TMEM178A: variants seen among roughly 807,000 people sequenced by gnomAD.
The protein encoded by TMEM178A is transmembrane protein 178.
Under a neutral mutation model 29.1 loss-of-function variants are expected in TMEM178A, and 12 were observed. The ratio of observed to expected loss-of-function variants is 0.41; its 90% CI spans 0.26 to 0.67. TMEM178A has a LOEUF of 0.67. Ranked by LOEUF, TMEM178A falls within the 30% of genes least tolerant of loss-of-function variation. The probability of loss-of-function intolerance (pLI) is 0.29; values close to 1 mark genes in which losing one functional copy is unlikely to be tolerated. For synonymous variants in TMEM178A, 210 were observed against 187.2 expected (o/e 1.12, Z -0.99); for missense variants, 366 against 419.1 (o/e 0.87, Z 1.11).
chr2:39,726,007 A>G, the TMEM178A span, among the ~76,000 whole-genome samples: 1 of 152,212 alleles, frequency 6.6e-6, no homozygotes, highest in South Asian at 2.1e-4. Context: ...ATTTAAGTGC[A>G]GGGAATACAT....
the TMEM178A span, among the ~76,000 whole-genome samples, chr2:39,725,481 C>T: frequency 1.3e-5 from 2 of 152,084 alleles, no homozygotes; most frequent in South Asian, 4.2e-4. Flanking sequence ...CAGGGAAAGA[C>T]AATTTGTTCT....
intron 1 of TMEM178A, among the ~76,000 whole-genome samples, chr2:39,694,382 A>T (rs1264086134): frequency 6.6e-6 from 1 of 152,062 alleles, no homozygotes; most frequent in Non-Finnish European, 1.5e-5. Context: ...ACACAGATAA[A>T]ATTTCTTAGT....
At position 39,717,415 on chromosome 2, in the gene TMEM178A, G is replaced by A. The variant is rs760821170; in HGVS notation, c.*164G>A. On this transcript the variant is annotated 3_prime_UTR_variant, in exon 4 of 4. Coordinates refer to ENST00000281961, the MANE Select transcript of TMEM178A (RefSeq NM_152390.3). Reference sequence around the variant, plus strand: ...ATGCAAAACCTCCCAACCTTTCTAAGGACAAGACTACTGTGGATTCAAGTG... The same window carrying A: ...ATGCAAAACCTCCCAACCTTTCTAAAGACAAGACTACTGTGGATTCAAGTG... 4.1e-6 allele frequency: 4 copies of A among 985,486 alleles called. No individual in the cohort carries two copies. Among genetic ancestry groups the A allele is most frequent in the Non-Finnish European group, 5.7e-6 (4 of 695,812 alleles). 61.0% of individuals were successfully genotyped at this position (985,486 alleles called of 1,614,324 possible).
At chr2:39,698,293 C>G (rs1388092779) in intron 1 of TMEM178A, among the ~76,000 whole-genome samples, 1 of 152,196 alleles carries the variant, frequency 6.6e-6, no homozygotes, top group South Asian at 2.1e-4. Flanking sequence ...ACTTAACTCT[C>G]TGAGCTTCGG....
chr2:39,666,449 G>C, intron 1 of TMEM178A, 75 bp downstream of exon 1: 2 of 1,183,034 alleles, frequency 1.7e-6, no homozygotes, highest in Non-Finnish European at 2.1e-6. Context: ...GGGGCGCGCC[G>C]GTCCCCGCAG....
At chr2:39,712,041 T>TG (rs140373987) in intron 3 of TMEM178A, among the ~76,000 whole-genome samples, 1 of 139,252 alleles carries the variant, frequency 7.2e-6, no homozygotes, top group Non-Finnish European at 1.5e-5. Flanking sequence ...GAATTGCATT[T>TG]TGTGTGTGTG....
At chr2:39,728,535 C>T in the TMEM178A span, among the ~76,000 whole-genome samples, 1 of 152,126 alleles carries the variant, frequency 6.6e-6, no homozygotes, top group African/African-American at 2.4e-5. Context: ...AAATAGTACT[C>T]CATTTATTTG....
chr2:39,727,333 T>C, the TMEM178A span, among the ~76,000 whole-genome samples: 1 of 152,050 alleles, frequency 6.6e-6, no homozygotes, highest in Non-Finnish European at 1.5e-5. Context: ...AATGAACAAA[T>C]GAATAAATAA....
At chr2:39,689,442 A>T (rs933673723) in intron 1 of TMEM178A, among the ~76,000 whole-genome samples, 3 of 152,242 alleles carry the variant, frequency 2.0e-5, no homozygotes, top group African/African-American at 7.2e-5. Context: ...TCTGTCTAAA[A>T]GCCATGTGCT....
At chr2:39,732,379 T>C in the TMEM178A span, among the ~76,000 whole-genome samples, 1 of 152,288 alleles carries the variant, frequency 6.6e-6, no homozygotes, top group African/African-American at 2.4e-5. Flanking sequence ...GAAAAAGCAC[T>C]GACTGCCCCT....
At chr2:39,732,423 C>A in the TMEM178A span, among the ~76,000 whole-genome samples, 1 of 152,150 alleles carries the variant, frequency 6.6e-6, no homozygotes, top group South Asian at 2.1e-4. Context: ...ATGTGGAACT[C>A]AATGCTGATA....
At chr2:39,666,510 C>G in intron 1 of TMEM178A, 136 bp downstream of exon 1, 2 of 545,532 alleles carry the variant, frequency 3.7e-6, no homozygotes, top group Non-Finnish European at 5.1e-6. Flanking sequence ...TCCTTCCCGC[C>G]GCCTCCAGTC....
At chr2:39,694,389 T>A (rs1054808270) in intron 1 of TMEM178A, among the ~76,000 whole-genome samples, 2 of 152,096 alleles carry the variant, frequency 1.3e-5, no homozygotes, top group African/African-American at 4.8e-5. Context: ...TAAAATTTCT[T>A]AGTTACCAGG....
At chr2:39,724,302 C>T in the TMEM178A span, among the ~76,000 whole-genome samples, 59 of 152,040 alleles carry the variant, frequency 3.9e-4, 1 homozygote, top group East Asian at 1.4e-3. Context: ...AAGAGGCTAT[C>T]TAGCCTTACG....
intron 3 of TMEM178A, among the ~76,000 whole-genome samples, chr2:39,709,457 A>C (rs562086666): frequency 6.6e-6 from 1 of 152,330 alleles, no homozygotes; most frequent in South Asian, 2.1e-4. Context: ...AGGGAGGCTA[A>C]AATGTTAGTT....
the TMEM178A span, among the ~76,000 whole-genome samples, chr2:39,732,384 G>T: frequency 4.6e-5 from 7 of 152,256 alleles, no homozygotes; most frequent in South Asian, 1.4e-3. Context: ...AGCACTGACT[G>T]CCCCTGCAGC....
At position 39,707,145 on chromosome 2, in the gene TMEM178A, G is replaced by C. The variant is rs761681171; in HGVS notation, c.611G>C (p.Ser204Thr). ...VATVSFFWEE[S>T]LTQHVAGLLF... ...ACAGTCAGTTTCTTCTGGGAGGAGA[G>C]CTTGACCCAGCACGTGGCTGGACTC... The change falls in exon 3 of 4, where the codon AGC becomes ACC. Residue 204 changes from serine (S) to threonine (T), a missense_variant. By Grantham distance (58) the Ser-to-Thr change is moderately conservative (BLOSUM62 1). Coordinates refer to ENST00000281961, the MANE Select transcript of TMEM178A (RefSeq NM_152390.3). The C allele has an allele frequency of 6.2e-7, 1 of 1,614,156 alleles. No individual in the cohort carries two copies. The highest frequency in any genetic ancestry group is 2.2e-5 in the East Asian group (1 of 44,876).
In TMEM178A at chr2:39,666,010, C is replaced by T. The variant is rs748369732; in HGVS notation, c.36C>T (p.Leu12=). Residue 12 remains leucine (L), a synonymous_variant, in exon 1 of 4, where the codon CTC becomes CTT. Transcript: ENST00000281961. The stretch of plus-strand genomic sequence containing the variant: ...GGGCGCTCGTCACGGCGCTCAGCCT[C>T]GGCCTCAGCCTGTGCTCCCTGGGGC... ...EPRALVTALS[L]GLSLCSLGLL... 36 of 1,507,088 alleles carry T rather than the reference C, an allele frequency of 2.4e-5. No individual in the cohort carries two copies. Among genetic ancestry groups the T allele is most frequent in the Non-Finnish European group, 2.7e-5 (30 of 1,131,132 alleles). The allele number at this position is 1,507,088 out of a possible 1,614,324, so 93.4% of individuals were successfully genotyped here. A position where few individuals can be genotyped will look rare whatever the true frequency, so the allele number is the denominator to read the frequency against.
chr2:39,716,164 T>A (rs1217805328), intron 3 of TMEM178A, among the ~76,000 whole-genome samples: 1 of 152,362 alleles, frequency 6.6e-6, no homozygotes, highest in East Asian at 1.9e-4. Flanking sequence ...CTCACCACAC[T>A]CTGATCCTCT....
Sources: gnomAD v4.1 joint callset for allele counts (sites outside exome capture counted in the v4.1 genomes callset) on GRCh38, gnomAD v4.1.1 for gene constraint, MANE v1.5 for transcripts, NCBI Gene and HGNC (gene_info 2026-07-23, HGNC 2026-07-21) for gene names.